The following CALD1 variants were observed in gnomAD, a reference collection of about 807,000 sequenced individuals.
CALD1 encodes caldesmon 1.
CALD1 carries 33 observed loss-of-function variants against 99.9 expected under a neutral mutation model. The ratio of observed to expected loss-of-function variants is 0.33; its 90% CI spans 0.25 to 0.44. CALD1 has a LOEUF of 0.44. CALD1 is among the 20% of genes least tolerant of loss of function. CALD1 has a pLI of 1.00. For missense variants in CALD1, 861 were observed against 962.1 expected (o/e 0.89, Z 1.39); for synonymous variants, 310 against 325.0 (o/e 0.95, Z 0.50).
chr7:134,783,332 G>A lies in CALD1; in HGVS notation c.-130+3583G>A, dbSNP rs1361948109. Among the ~76,000 whole-genome samples, 1 of 152,150 alleles carries A rather than the reference G, an allele frequency of 6.6e-6. No homozygotes were observed. The highest frequency in any genetic ancestry group is 2.4e-5 in the African/African-American group (1 of 41,436). ...CCTCTTCCCCAGCTCCCCCATCCCTGTACCGGATAGGGAGCTTTCTTGATC... is the reference window on the plus strand; with the variant it reads ...CCTCTTCCCCAGCTCCCCCATCCCTATACCGGATAGGGAGCTTTCTTGATC... On this transcript the variant is annotated intron_variant, in intron 1 of 14. Transcript: ENST00000361675. This position sits in a 1 kb window ranked among gnomAD's most constrained non-coding sequence, Gnocchi z 4.3.
chr7:134,725,713 T>A, the CALD1 span, among the ~76,000 whole-genome samples: 1 of 152,230 alleles, frequency 6.6e-6, no homozygotes, highest in Non-Finnish European at 1.5e-5. Context: ...AAAAGAGTCT[T>A]TACTGATGTG....
At chr7:134,943,009 G>GA (rs923699292) in intron 7 of CALD1, among the ~76,000 whole-genome samples, 3 of 150,466 alleles carry the variant, frequency 2.0e-5, no homozygotes, top group East Asian at 1.9e-4. Flanking sequence ...TTTTGGGCAG[G>GA]AAAAAAAAAT....
At chr7:134,965,522 C>T in intron 14 of CALD1, 136 bp downstream of exon 14, 1 of 612,830 alleles carries the variant, frequency 1.6e-6, no homozygotes, top group Non-Finnish European at 3.0e-6. Context: ...TCTAAAAGAC[C>T]AGTACATAAC....
intron 1 of CALD1, among the ~76,000 whole-genome samples, chr7:134,818,125 G>T (rs925736088): frequency 6.6e-6 from 1 of 152,018 alleles, no homozygotes; most frequent in Non-Finnish European, 1.5e-5. Context: ...TTCTTACAAT[G>T]TATTTATACT....
chr7:134,850,520 T>A (rs1800031721), intron 2 of CALD1, among the ~76,000 whole-genome samples: 1 of 152,186 alleles, frequency 6.6e-6, no homozygotes, highest in South Asian at 2.1e-4. Context: ...GGATTTAAAC[T>A]GATATTATCA....
chr7:134,808,036 T>G (rs1798213060), intron 1 of CALD1, among the ~76,000 whole-genome samples: 1 of 151,836 alleles, frequency 6.6e-6, no homozygotes, highest in African/African-American at 2.4e-5. Flanking sequence ...CTGCCACACA[T>G]GAAACAAATA....
intron 8 of CALD1, 79 bp from the exon 9 acceptor site, chr7:134,950,295 T>G: frequency 7.0e-7 from 1 of 1,427,298 alleles, no homozygotes; most frequent in South Asian, 1.2e-5. Flanking sequence ...TCTCCAACTG[T>G]GCTCTCTCTC....
At chr7:134,747,704 G>C (rs9641989) in intron 1 of CALD1, among the ~76,000 whole-genome samples, 10,154 of 152,272 alleles carry the variant, frequency 0.067, 966 homozygotes, top group African/African-American at 0.2. Context: ...GGTGGCTCCA[G>C]TGCAGCATGC....
chr7:134,768,434 G>A (rs898597001), intron 1 of CALD1, among the ~76,000 whole-genome samples: 38 of 152,178 alleles, frequency 2.5e-4, no homozygotes, highest in African/African-American at 8.4e-4. Flanking sequence ...ACTCCTTAAA[G>A]AGTGACTATT....
chr7:134,875,313 T>C (rs191821331), intron 3 of CALD1, among the ~76,000 whole-genome samples: 2 of 152,336 alleles, frequency 1.3e-5, no homozygotes, highest in Admixed American at 1.3e-4. Context: ...TCTGAGGTTA[T>C]AGGCGTGAGT....
chr7:134,839,009 G>A (rs1410435263), intron 1 of CALD1, among the ~76,000 whole-genome samples: 2 of 152,170 alleles, frequency 1.3e-5, no homozygotes, highest in Non-Finnish European at 2.9e-5. Flanking sequence ...ACGCAACTGA[G>A]TAGTCAGCAT....
intron 1 of CALD1, among the ~76,000 whole-genome samples, chr7:134,808,961 A>AT (rs1373267015): frequency 1.3e-5 from 2 of 152,256 alleles, no homozygotes; most frequent in African/African-American, 4.8e-5. Context: ...TTGCCAAGGG[A>AT]TAAAAAAGTA....
chr7:134,824,247 G>A (rs1798896681), intron 1 of CALD1, among the ~76,000 whole-genome samples: 1 of 152,098 alleles, frequency 6.6e-6, no homozygotes, highest in Admixed American at 6.5e-5. Context: ...TTTCAGCTGG[G>A]GGACTCAAAG....
chr7:134,713,025 A>C, the CALD1 span, among the ~76,000 whole-genome samples: 1 of 152,238 alleles, frequency 6.6e-6, no homozygotes, highest in Non-Finnish European at 1.5e-5. Flanking sequence ...ACCTGGGAGA[A>C]GGGTAAAGGT....
chr7:134,851,293 G>A (rs1236026914), intron 2 of CALD1, among the ~76,000 whole-genome samples: 1 of 152,148 alleles, frequency 6.6e-6, no homozygotes, highest in Non-Finnish European at 1.5e-5. Context: ...AACAGTTAGT[G>A]GCAGTTTTAT....
intron 3 of CALD1, chr7:134,891,509 AT>A (rs1802166613): frequency 6.7e-7 from 1 of 1,490,678 alleles, no homozygotes. Flanking sequence ...TGCACCGTGC[AT>A]TTCAGCCACA....
At chr7:134,756,152 A>G (rs1464547936) in intron 1 of CALD1, among the ~76,000 whole-genome samples, 2 of 151,762 alleles carry the variant, frequency 1.3e-5, no homozygotes, top group Non-Finnish European at 2.9e-5. Flanking sequence ...CGGCCTCCCA[A>G]AGTGCTGGGA....
At chr7:134,798,218 C>T (rs2131824471) in intron 1 of CALD1, among the ~76,000 whole-genome samples, 1 of 152,306 alleles carries the variant, frequency 6.6e-6, no homozygotes, top group Non-Finnish European at 1.5e-5. Context: ...TAAGCTAACT[C>T]TTTTCTTGAA....
At chr7:134,923,295 A>G (rs1489589640) in intron 3 of CALD1, among the ~76,000 whole-genome samples, 4 of 152,390 alleles carry the variant, frequency 2.6e-5, no homozygotes, top group South Asian at 2.1e-4. Context: ...CTGGTCAAAC[A>G]AACATTTTAT....
Sources: allele counts gnomAD v4.1 joint callset (sites outside exome capture counted in the v4.1 genomes callset), GRCh38; gene constraint gnomAD v4.1.1; non-coding constraint Gnocchi (gnomAD v3.1); transcripts MANE v1.5; gene names NCBI Gene and HGNC (gene_info 2026-07-23, HGNC 2026-07-21).